The following EFCAB13 variants were observed in gnomAD, a reference collection of about 807,000 sequenced individuals.
EFCAB13 encodes EF-hand calcium binding domain 13, also known as EF-hand calcium-binding domain-containing protein 13.
A neutral mutation model predicts 110.2 loss-of-function variants in EFCAB13; 91 were observed. That is an observed-to-expected ratio of 0.83 (90% confidence interval 0.70 to 0.98). The LOEUF (loss-of-function observed/expected upper bound fraction) is 0.98. Ranked by LOEUF, EFCAB13 falls within the 50% of genes least tolerant of loss-of-function variation. The pLI is 0.00. For missense variants in EFCAB13, 968 were observed against 1,119.4 expected (o/e 0.86, Z 1.93); for synonymous variants, 323 against 369.9 (o/e 0.87, Z 1.45).
chr17:47,434,663 T>C (rs998726082), intron 24 of EFCAB13, among the ~76,000 whole-genome samples: 4 of 152,154 alleles, frequency 2.6e-5, no homozygotes, highest in African/African-American at 7.2e-5. Context: ...GCAGTAGTTA[T>C]CAAAACAGCA....
At position 47,335,305 on chromosome 17, in the gene EFCAB13, A is replaced by C. The variant is rs567469389; in HGVS notation, c.140A>C (p.Glu47Ala). 1.0e-5 allele frequency: 16 copies of C among 1,607,922 alleles called. No individual in the cohort carries two copies. In the Admixed American group the frequency reaches 2.4e-4, roughly 24 times the overall value. The change falls in exon 5 of 25, where the codon GAG becomes GCG. Residue 47 changes from glutamate to alanine, a missense_variant. Coordinates refer to ENST00000331493, the MANE Select transcript of EFCAB13 (RefSeq NM_152347.5). ...TACATCAAGTTTTCTAAAACAATAG[A>C]GAAGGAAATTTCACCGGAAATTAGG... ...KKYIKFSKTI[E>A]KEISPEIRSL...
intron 10 of EFCAB13, 128 bp from the exon 11 acceptor site, chr17:47,370,309 A>C (rs2065574511): frequency 1.5e-6 from 1 of 682,568 alleles, no homozygotes; most frequent in East Asian, 2.8e-5. Flanking sequence ...ATTTTATTCA[A>C]GACTTTGTAA....
At chr17:47,368,580 T>G (rs1451974412) in intron 10 of EFCAB13, among the ~76,000 whole-genome samples, 2 of 152,222 alleles carry the variant, frequency 1.3e-5, no homozygotes, top group Non-Finnish European at 2.9e-5. Flanking sequence ...TTGCCAACCA[T>G]TTATTCACTG....
chr17:47,421,366 C>T (rs1240330913), intron 23 of EFCAB13, among the ~76,000 whole-genome samples: 2 of 152,134 alleles, frequency 1.3e-5, no homozygotes, highest in Non-Finnish European at 2.9e-5. Context: ...AACATGTGTA[C>T]TCAGGGTTAA....
intron 24 of EFCAB13, chr17:47,430,604 T>A (rs1387548549): frequency 3.9e-5 from 6 of 152,146 alleles, no homozygotes. Context: ...TAACAAGGTA[T>A]TCTATTTTCT....
intron 11 of EFCAB13, among the ~76,000 whole-genome samples, chr17:47,371,480 G>T (rs1178019567): frequency 6.6e-6 from 1 of 152,042 alleles, no homozygotes. Flanking sequence ...TATTGAAGAG[G>T]GTATCCTTTC....
At position 47,421,079 on chromosome 17, in the gene EFCAB13, G is replaced by A. The variant is rs1306631101; in HGVS notation, c.2494+6160G>A. On this transcript the variant is annotated intron_variant, in intron 23 of 24. Transcript: ENST00000331493. ...CGCCCGGGAGGTGAGGGGCGCCTCT[G>A]CCCGGCCGCGCCTACTGGGAAGTGA... Among the ~76,000 whole-genome samples the A allele has an allele frequency of 2.0e-5, 3 of 151,618 alleles. No homozygotes were observed. In the East Asian group the frequency reaches 6.0e-4, roughly 30 times the overall value.
At position 47,391,581 on chromosome 17, in the gene EFCAB13, G is replaced by A. The variant is rs762301366; in HGVS notation, c.1726+1G>A. On this transcript the variant is annotated splice_donor_variant, in intron 15 of 24. Coordinates refer to ENST00000331493, the MANE Select transcript of EFCAB13 (RefSeq NM_152347.5). LOFTEE classifies it high-confidence loss of function. Reference sequence around the variant, plus strand: ...ATCACAGAACTGACTGAAGCTGGTGGTGAGTGATATATTTTCAGGCAAACT... The same window carrying A: ...ATCACAGAACTGACTGAAGCTGGTGATGAGTGATATATTTTCAGGCAAACT... 3.2e-6 allele frequency: 5 copies of A among 1,563,472 alleles called. No individual in the cohort carries two copies. Among genetic ancestry groups the A allele is most frequent in the Admixed American group, 2.0e-5 (1 of 51,042 alleles).
intron 9 of EFCAB13, among the ~76,000 whole-genome samples, chr17:47,359,367 T>C (rs1288652972): frequency 6.6e-6 from 1 of 152,044 alleles, no homozygotes; most frequent in Non-Finnish European, 1.5e-5. Flanking sequence ...AAAAAAAGAC[T>C]AATCGAATGA....
chr17:47,400,796 T>A (rs748010645), intron 17 of EFCAB13, among the ~76,000 whole-genome samples: 2 of 152,214 alleles, frequency 1.3e-5, no homozygotes, highest in Non-Finnish European at 2.9e-5. Context: ...TTTAGGTGAC[T>A]GAATTACAGT....
intron 3 of EFCAB13, among the ~76,000 whole-genome samples, chr17:47,326,693 G>A (rs1036935626): frequency 6.6e-6 from 1 of 151,836 alleles, no homozygotes; most frequent in Non-Finnish European, 1.5e-5. Flanking sequence ...CAGTAGTTTA[G>A]AGGTAAATAT....
intron 3 of EFCAB13, among the ~76,000 whole-genome samples, chr17:47,327,318 C>A (rs2065292072): frequency 6.6e-6 from 1 of 152,114 alleles, no homozygotes; most frequent in South Asian, 2.1e-4. Context: ...GTGCGTGCCA[C>A]CACACTCGGC....
At chr17:47,383,675 T>G (rs1598743279) in intron 14 of EFCAB13, among the ~76,000 whole-genome samples, 3 of 152,338 alleles carry the variant, frequency 2.0e-5, no homozygotes, top group Admixed American at 2.0e-4. Flanking sequence ...TTGCATTTGC[T>G]GAGGAGTATT....
At chr17:47,430,030 A>G (rs2143517863) in intron 24 of EFCAB13, 69 bp downstream of exon 24, 3 of 1,461,318 alleles carry the variant, frequency 2.1e-6, no homozygotes, top group East Asian at 4.9e-5. Context: ...GTCTATGGGT[A>G]GGACATGCAG....
chr17:47,440,949 T>C lies in EFCAB13; in HGVS notation c.*235T>C. On this transcript the variant is annotated 3_prime_UTR_variant, in exon 25 of 25. Transcript: ENST00000331493. ...TATGGCAAAATTCACTCTTTTTAGG[T>C]ATACAGTTCTTTGGATTCTTAAAAA... The C allele has an allele frequency of 3.2e-6, 1 of 314,182 alleles. No homozygotes were observed. Among genetic ancestry groups the C allele is most frequent in the Non-Finnish European group, 5.8e-6 (1 of 171,950 alleles). 19.5% of individuals were successfully genotyped at this position (314,182 alleles called of 1,614,324 possible).
chr17:47,415,010 G>A, intron 23 of EFCAB13, 91 bp downstream of exon 23: 4 of 917,430 alleles, frequency 4.4e-6, no homozygotes, highest in Non-Finnish European at 6.6e-6. Context: ...GTGATAGACT[G>A]GATTAAGAAA....
intron 8 of EFCAB13, among the ~76,000 whole-genome samples, chr17:47,346,413 A>C (rs1204064848): frequency 6.9e-6 from 1 of 145,188 alleles, no homozygotes; most frequent in Admixed American, 7.1e-5. Context: ...ATATTCTGTC[A>C]TATGTATATA....
At chr17:47,389,635 C>T (rs1250970841) in intron 14 of EFCAB13, among the ~76,000 whole-genome samples, 1 of 145,116 alleles carries the variant, frequency 6.9e-6, no homozygotes. Context: ...AACTTTGAAT[C>T]TCAAGAATAA....
chr17:47,409,773 C>T, intron 21 of EFCAB13, 82 bp downstream of exon 21: 1 of 1,080,934 alleles, frequency 9.3e-7, no homozygotes, highest in Non-Finnish European at 1.4e-6. Flanking sequence ...CAATGTATTT[C>T]TCATTTTTCC....
Sources: gnomAD v4.1 joint callset for allele counts (sites outside exome capture counted in the v4.1 genomes callset) on GRCh38, gnomAD v4.1.1 for gene constraint, MANE v1.5 for transcripts, NCBI Gene and HGNC (gene_info 2026-07-23, HGNC 2026-07-21) for gene names.